CDC14A: variants seen among roughly 807,000 people sequenced by gnomAD.
CDC14A encodes the protein cell division cycle 14A, also known as dual specificity protein phosphatase CDC14A.
In CDC14A, 53 loss-of-function variants were observed where a neutral mutation model predicts 74.4. The observed-to-expected ratio is 0.71, with a 90% CI of 0.57 to 0.89. The LOEUF is 0.89. Among genes scored for constraint, CDC14A ranks in the 40% least tolerant of loss-of-function variants. The probability of loss-of-function intolerance (pLI) is 0.00; values close to 1 mark genes in which losing one functional copy is unlikely to be tolerated. For synonymous variants in CDC14A, 247 were observed against 258.4 expected, an observed-to-expected ratio of 0.96 and a Z score of 0.43; for missense variants, 646 against 713.7, an observed-to-expected ratio of 0.91 and a Z score of 1.08.
upstream of CDC14A, among the ~76,000 whole-genome samples, chr1:100,349,327 T>G (rs1039667621): frequency 1.3e-5 from 2 of 152,264 alleles, no homozygotes; most frequent in Non-Finnish European, 2.9e-5. Context: ...TTCCTTTATA[T>G]GTGAAACGCC....
At chr1:100,493,999 G>T (rs538809736) in intron 11 of CDC14A, among the ~76,000 whole-genome samples, 55 of 152,272 alleles carry the variant, frequency 3.6e-4, no homozygotes, top group Admixed American at 5.9e-4. Flanking sequence ...GAGGAAAAAA[G>T]GCAAAATACA....
chr1:100,439,594 T>C (rs900814541), intron 5 of CDC14A, among the ~76,000 whole-genome samples: 3 of 152,204 alleles, frequency 2.0e-5, no homozygotes, highest in African/African-American at 7.2e-5. Flanking sequence ...GCTGCTATCA[T>C]TAACTTCATT....
At chr1:100,460,061 A>G (rs755948449) in intron 8 of CDC14A, among the ~76,000 whole-genome samples, 2 of 152,264 alleles carry the variant, frequency 1.3e-5, no homozygotes, top group East Asian at 3.9e-4. Flanking sequence ...TCTACCTCTT[A>G]CTAGCTGTAT....
intron 4 of CDC14A, among the ~76,000 whole-genome samples, chr1:100,404,495 G>C (rs1222857870): frequency 1.3e-5 from 2 of 152,150 alleles, no homozygotes; most frequent in African/African-American, 4.8e-5. Context: ...AGGACTTAAA[G>C]CCAGGGGTGT....
chr1:100,397,852 A>G (rs1658737909), intron 4 of CDC14A, among the ~76,000 whole-genome samples: 1 of 152,188 alleles, frequency 6.6e-6, no homozygotes, highest in African/African-American at 2.4e-5. Context: ...TGGGAATAAC[A>G]AGCCTGAGGT....
At chr1:100,447,651 A>G (rs1271615801) in intron 7 of CDC14A, among the ~76,000 whole-genome samples, 1 of 152,232 alleles carries the variant, frequency 6.6e-6, no homozygotes, top group African/African-American at 2.4e-5. Context: ...GGGAAAAATA[A>G]TGAAGATGAT....
intron 2 of CDC14A, among the ~76,000 whole-genome samples, chr1:100,362,525 G>C (rs116675988): frequency 0.012 from 1,794 of 152,146 alleles, 34 homozygotes; most frequent in African/African-American, 0.041. Context: ...ATACCATACT[G>C]TATTGAACAT....
intron 3 of CDC14A, among the ~76,000 whole-genome samples, chr1:100,380,120 GA>G (rs1655887862): frequency 6.6e-6 from 1 of 152,158 alleles, no homozygotes; most frequent in African/African-American, 2.4e-5. Flanking sequence ...TTCTGATAGG[GA>G]ATATAATAAA....
At chr1:100,382,302 A>G (rs545090407) in intron 3 of CDC14A, among the ~76,000 whole-genome samples, 1 of 150,228 alleles carries the variant, frequency 6.7e-6, no homozygotes, top group Non-Finnish European at 1.5e-5. Flanking sequence ...TGCAGCCTCA[A>G]ACTCCTGGGC....
upstream of CDC14A, among the ~76,000 whole-genome samples, chr1:100,350,388 C>A (rs906967445): frequency 3.9e-5 from 6 of 152,224 alleles, no homozygotes; most frequent in African/African-American, 1.4e-4. Context: ...CCACCATGAC[C>A]AGCCCCATGC....
chr1:100,442,720 A>G (rs1281938700), intron 6 of CDC14A, among the ~76,000 whole-genome samples: 7 of 152,024 alleles, frequency 4.6e-5, no homozygotes, highest in Admixed American at 3.3e-4. Context: ...GGGCTTTTTC[A>G]TGTTATTCTA....
chr1:100,400,296 A>G (rs1239204159), intron 4 of CDC14A, among the ~76,000 whole-genome samples: 1 of 152,238 alleles, frequency 6.6e-6, no homozygotes, highest in Non-Finnish European at 1.5e-5. Context: ...ACTACTTTAC[A>G]TTGACATTAA....
At chr1:100,482,454 G>C (rs1204387299) in intron 10 of CDC14A, among the ~76,000 whole-genome samples, 2 of 152,068 alleles carry the variant, frequency 1.3e-5, no homozygotes, top group Non-Finnish European at 2.9e-5. Context: ...TCTTAGCTGG[G>C]TAAGTCCTGC....
chr1:100,459,126 C>CACAG lies in CDC14A; in HGVS notation c.608-3524_608-3523insCAGA, dbSNP rs1279905046. ...GCACACACACACACACACACACACA[C>CACAG]AGAGAGAGAGAGAGAGAGAAAGATA... On this transcript the variant is annotated intron_variant, in intron 8 of 15. Coordinates refer to ENST00000336454, the MANE Select transcript of CDC14A (RefSeq NM_003672.4). Among the ~76,000 whole-genome samples, 80 of 144,684 alleles carry CACAG rather than the reference C, an allele frequency of 5.5e-4. No homozygotes were observed. The South Asian group carries it at 6.7e-3, about 12-fold the overall frequency. The allele number at this position is 144,684 out of a possible 152,430, so 94.9% of individuals were successfully genotyped here. A position where few individuals can be genotyped will look rare whatever the true frequency, so the allele number is the denominator to read the frequency against.
chr1:100,440,400 T>C (rs1345253586), intron 6 of CDC14A, among the ~76,000 whole-genome samples: 1 of 152,096 alleles, frequency 6.6e-6, no homozygotes, highest in Non-Finnish European at 1.5e-5. Flanking sequence ...ACTCTGGGGG[T>C]GGAGCCCTGC....
intron 6 of CDC14A, among the ~76,000 whole-genome samples, chr1:100,442,488 T>G (rs999654736): frequency 2.0e-5 from 3 of 150,344 alleles, no homozygotes; most frequent in African/African-American, 4.9e-5. Flanking sequence ...AGGGTTTTTT[T>G]GGGGGGCTAA....
At chr1:100,407,335 A>G (rs1571093195) in intron 4 of CDC14A, among the ~76,000 whole-genome samples, 1 of 152,190 alleles carries the variant, frequency 6.6e-6, no homozygotes, top group Non-Finnish European at 1.5e-5. Context: ...GTGCGTGAAC[A>G]TGGAATGTTT....
In CDC14A at chr1:100,485,025, AG is replaced by A. The variant is rs1353212309; in HGVS notation, c.1137+575del. The A allele has an allele frequency of 7.2e-5, 71 of 985,178 alleles. 1 individual carries two copies. Among genetic ancestry groups the A allele is most frequent in the Non-Finnish European group, 8.2e-5 (68 of 829,786 alleles). The allele number at this position is 985,178 out of a possible 1,614,324, so 61.0% of individuals were successfully genotyped here. ...TGCATATCAGAGATGTTCTAACCTC[AG>A]TGTCAAACATGGTTCAATCCATGTC... On this transcript the variant is annotated intron_variant, in intron 11 of 15. Transcript: ENST00000336454.
At chr1:100,408,033 C>G (rs768013177) in intron 4 of CDC14A, among the ~76,000 whole-genome samples, 13 of 151,890 alleles carry the variant, frequency 8.6e-5, no homozygotes, top group African/African-American at 2.4e-5. Context: ...AGCCTAGTAC[C>G]CAATAGTTAT....
Sources: allele counts gnomAD v4.1 joint callset (sites outside exome capture counted in the v4.1 genomes callset), GRCh38; gene constraint gnomAD v4.1.1; transcripts MANE v1.5; gene names NCBI Gene and HGNC (gene_info 2026-07-23, HGNC 2026-07-21).